Variants in PSD3 observed in about 807,000 individuals in gnomAD.
The protein encoded by PSD3 is PH and SEC7 domain-containing protein 3.
A neutral mutation model predicts 105.5 loss-of-function variants in PSD3; 49 were observed. That is an observed-to-expected ratio of 0.46 (90% CI 0.37 to 0.59). PSD3 has a LOEUF of 0.59. PSD3 is among the 20% of genes least tolerant of loss of function. The probability of loss-of-function intolerance (pLI) is 0.00; values close to 1 mark genes in which losing one functional copy is unlikely to be tolerated. For missense variants in PSD3, 1,561 were observed against 1,263.8 expected, an observed-to-expected ratio of 1.24 and a Z score of -3.57; for synonymous variants, 557 against 457.8, an observed-to-expected ratio of 1.22 and a Z score of -2.77.
Position 18,535,954 on chromosome 8 carries a change from G to A in PSD3, c.2933C>T (p.Thr978Ile). 1.2e-6 allele frequency: 2 copies of A among 1,613,756 alleles called. No individual in the cohort carries two copies. Among genetic ancestry groups the A allele is most frequent in the East Asian group, 2.2e-5 (1 of 44,878 alleles). Residue 978 changes from threonine to isoleucine, a missense_variant, in exon 16 of 16, where the codon ACC (threonine) becomes ATC (isoleucine). By Grantham distance (89) the Thr-to-Ile change is moderately conservative. Transcript: ENST00000327040. The part of the protein sequence containing the change: ...LKDHYLEFEK[T>I]RYEMYVSILK... ...AATGCTGACATACATTTCATAGCGG[G>A]TTTTCTGAAGGCAAAGCCAGAGAAC... is the stretch of plus-strand genomic sequence containing the variant.
At chr8:18,705,808 G>A (rs538772480) in intron 9 of PSD3, among the ~76,000 whole-genome samples, 19 of 152,098 alleles carry the variant, frequency 1.2e-4, no homozygotes, top group Non-Finnish European at 5.9e-5. Flanking sequence ...ATGAGTATTC[G>A]TGATCAAGAA....
At chr8:19,040,522 C>G (rs1046489852) in intron 1 of PSD3, among the ~76,000 whole-genome samples, 8 of 152,110 alleles carry the variant, frequency 5.3e-5, no homozygotes, top group African/African-American at 1.9e-4. Flanking sequence ...TAGATTTTAA[C>G]TGTGATGAGA....
At chr8:19,069,660 C>T (rs374738915) in intron 1 of PSD3, among the ~76,000 whole-genome samples, 3 of 152,094 alleles carry the variant, frequency 2.0e-5, no homozygotes, top group East Asian at 1.9e-4. Flanking sequence ...CTAAGGGCTT[C>T]GAATCTTTTG....
intron 6 of PSD3, among the ~76,000 whole-genome samples, chr8:18,803,564 A>G (rs1810926118): frequency 6.6e-6 from 1 of 152,172 alleles, no homozygotes; most frequent in Non-Finnish European, 1.5e-5. Context: ...CCTGAAGCTG[A>G]CGGTGGTATA....
chr8:19,077,165 T>G (rs957499457), intron 1 of PSD3, among the ~76,000 whole-genome samples: 2 of 152,190 alleles, frequency 1.3e-5, no homozygotes, highest in African/African-American at 4.8e-5. Flanking sequence ...GTTTAATATT[T>G]TCATTGATAC....
At chr8:18,893,124 G>A (rs1563391979) in intron 2 of PSD3, among the ~76,000 whole-genome samples, 1 of 152,098 alleles carries the variant, frequency 6.6e-6, no homozygotes, top group African/African-American at 2.4e-5. Context: ...CATAAAACAC[G>A]GTTGCATGTA....
chr8:18,610,614 G>C (rs1289665546), intron 11 of PSD3, among the ~76,000 whole-genome samples: 1 of 152,122 alleles, frequency 6.6e-6, no homozygotes, highest in Non-Finnish European at 1.5e-5. Context: ...TCTTTTAACA[G>C]AACCTATACC....
intron 1 of PSD3, among the ~76,000 whole-genome samples, chr8:19,035,228 AT>A (rs1194027983): frequency 1.3e-5 from 2 of 152,194 alleles, no homozygotes; most frequent in Non-Finnish European, 2.9e-5. Flanking sequence ...CATAATAATG[AT>A]TTATTGCCCA....
intron 1 of PSD3, among the ~76,000 whole-genome samples, chr8:18,970,896 T>A (rs1286464791): frequency 1.3e-5 from 2 of 148,694 alleles, no homozygotes; most frequent in Non-Finnish European, 3.0e-5. Flanking sequence ...GGAGAATCAC[T>A]AGAACCCAGG....
At chr8:19,080,775 G>A (rs907744542) in intron 1 of PSD3, among the ~76,000 whole-genome samples, 42 of 152,096 alleles carry the variant, frequency 2.8e-4, no homozygotes, top group African/African-American at 8.5e-4. Context: ...CAATCTTTTC[G>A]CAAATTTAAG....
At chr8:19,040,260 C>T (rs971295000) in intron 1 of PSD3, among the ~76,000 whole-genome samples, 8 of 151,994 alleles carry the variant, frequency 5.3e-5, no homozygotes, top group Admixed American at 3.9e-4. Flanking sequence ...TGGAGTGCAG[C>T]GGCATGATCT....
chr8:18,960,093 G>C (rs1475473140), intron 1 of PSD3, among the ~76,000 whole-genome samples: 1 of 152,130 alleles, frequency 6.6e-6, no homozygotes, highest in African/African-American at 2.4e-5. Context: ...GCACTGTTTT[G>C]ATTCAACATC....
intron 4 of PSD3, chr8:18,854,262 A>C (rs1360976771): frequency 6.5e-6 from 1 of 152,910 alleles, no homozygotes; most frequent in Non-Finnish European, 1.5e-5. Context: ...CCGCAGTGAC[A>C]TTCTCCCAGA....
At chr8:18,540,098 A>C (rs1800077338) in intron 15 of PSD3, among the ~76,000 whole-genome samples, 1 of 152,166 alleles carries the variant, frequency 6.6e-6, no homozygotes. Flanking sequence ...GTTAGTTTCC[A>C]CTGCTGCCCT....
At chr8:18,629,863 T>G (rs1386914555) in intron 11 of PSD3, among the ~76,000 whole-genome samples, 2 of 151,970 alleles carry the variant, frequency 1.3e-5, no homozygotes, top group African/African-American at 4.8e-5. Flanking sequence ...TGTAAATTAT[T>G]AGAAACCATG....
chr8:18,635,683 A>G (rs1377965857), intron 10 of PSD3, among the ~76,000 whole-genome samples: 1 of 152,122 alleles, frequency 6.6e-6, no homozygotes, highest in Non-Finnish European at 1.5e-5. Flanking sequence ...GCACATATAC[A>G]CTATGGAATA....
chr8:18,684,275 C>T (rs961175630), intron 9 of PSD3, among the ~76,000 whole-genome samples: 1 of 150,590 alleles, frequency 6.6e-6, no homozygotes, highest in African/African-American at 2.5e-5. Flanking sequence ...CACACTGGAA[C>T]GAATGGCAAT....
At chr8:18,824,193 TA>T (rs1382304157) in intron 4 of PSD3, among the ~76,000 whole-genome samples, 5 of 152,118 alleles carry the variant, frequency 3.3e-5, no homozygotes, top group African/African-American at 1.2e-4. Context: ...GTAACTTTTT[TA>T]AAGTGAGACC....
chr8:18,727,272 G>A (rs1213888582), intron 9 of PSD3, among the ~76,000 whole-genome samples: 1 of 149,074 alleles, frequency 6.7e-6, no homozygotes, highest in African/African-American at 2.5e-5. Context: ...GGGAGGCGGA[G>A]GTTGCAGTGA....
Sources: gnomAD v4.1 joint callset for allele counts (sites outside exome capture counted in the v4.1 genomes callset) on GRCh38, gnomAD v4.1.1 for gene constraint, MANE v1.5 for transcripts, NCBI Gene and HGNC (gene_info 2026-07-23, HGNC 2026-07-21) for gene names.